Variants in NPHP1 observed in about 807,000 individuals in gnomAD.
NPHP1 encodes nephrocystin 1, also known as nephrocystin-1.
In NPHP1, 70 loss-of-function variants were observed where a neutral mutation model predicts 90.4. That is an observed-to-expected ratio of 0.77 (90% CI 0.64 to 0.95). NPHP1 has a LOEUF of 0.95. Among genes scored for constraint, NPHP1 ranks in the 40% least tolerant of loss-of-function variants. NPHP1 has a pLI of 0.00. For synonymous variants in NPHP1, 256 were observed against 271.7 expected (o/e 0.94, Z 0.57); for missense variants, 764 against 795.9 (o/e 0.96, Z 0.48).
intron 2 of NPHP1, among the ~76,000 whole-genome samples, chr2:110,198,218 A>T (rs1685301039): frequency 6.6e-6 from 1 of 152,150 alleles, no homozygotes; most frequent in African/African-American, 2.4e-5. Context: ...GCCAGGCCGA[A>T]AACTCTAGGA....
At chr2:110,162,256 A>C (rs760962092) in intron 9 of NPHP1, among the ~76,000 whole-genome samples, 1 of 152,156 alleles carries the variant, frequency 6.6e-6, no homozygotes. Context: ...ATTTTCTTAG[A>C]AAATAAGTAG....
intron 2 of NPHP1, among the ~76,000 whole-genome samples, chr2:110,180,448 C>CTTTTTTT (rs3086121): frequency 7.5e-3 from 610 of 80,844 alleles, no homozygotes; most frequent in Middle Eastern, 0.015. Context: ...CCGTTTGAGT[C>CTTTTTTT]TTTTTTTTTT....
intron 16 of NPHP1, among the ~76,000 whole-genome samples, chr2:110,134,621 A>G (rs1052213022): frequency 6.6e-6 from 1 of 152,110 alleles, no homozygotes. Context: ...ACAGCACATT[A>G]AAAAGCTTGT....
At position 110,204,934 on chromosome 2, in the gene NPHP1, G is replaced by T; in HGVS notation, c.35C>A (p.Ala12Asp). 1 of 1,614,050 alleles carries T rather than the reference G, an allele frequency of 6.2e-7. No individual in the cohort carries two copies. Among genetic ancestry groups the T allele is most frequent in the Non-Finnish European group, 8.5e-7 (1 of 1,179,944 alleles). ...LARRQRDPLQ[A>D]LRRRNQELKQ... ...CAGCTCCTGATTGCGGCGCCGCAGG[G>T]CCTGGAGAGGATCTCGCTGTCGTCT... The change falls in exon 1 of 20, where the codon GCC becomes GAC. Residue 12 changes from alanine (A) to aspartate (D), a missense_variant. Coordinates refer to ENST00000445609, the MANE Select transcript of NPHP1 (RefSeq NM_001128178.3).
chr2:110,200,219 C>A (rs968068672), intron 2 of NPHP1, among the ~76,000 whole-genome samples: 4 of 151,534 alleles, frequency 2.6e-5, no homozygotes, highest in Non-Finnish European at 5.9e-5. Context: ...CATGCCACTG[C>A]ACTCCAGCCT....
chr2:110,125,222 G>T (rs1204506574), intron 19 of NPHP1: 3 of 1,535,262 alleles, frequency 2.0e-6, no homozygotes, highest in East Asian at 4.9e-5. Context: ...TAATTACCAT[G>T]ATTTTATAGC....
intron 19 of NPHP1, chr2:110,124,459 G>A (rs1679210735): frequency 1.4e-5 from 4 of 292,236 alleles, no homozygotes; most frequent in Admixed American, 1.3e-4. Flanking sequence ...AGAGGTAACT[G>A]TCATGTTATC....
intron 18 of NPHP1, chr2:110,125,961 G>C (rs1257520657): frequency 2.1e-6 from 1 of 476,548 alleles, no homozygotes; most frequent in Non-Finnish European, 3.8e-6. Flanking sequence ...ACACATCCAT[G>C]AAAACTATAC....
At chr2:110,164,434 G>T in intron 8 of NPHP1, 1 of 757,408 alleles carries the variant, frequency 1.3e-6, no homozygotes, top group South Asian at 1.5e-5. Flanking sequence ...CAGGATCAAT[G>T]AGAATGTTTC....
At chr2:110,171,221 A>G (rs968422677) in intron 4 of NPHP1, among the ~76,000 whole-genome samples, 24 of 152,164 alleles carry the variant, frequency 1.6e-4, no homozygotes, top group African/African-American at 5.3e-4. Context: ...AATCTTTCTG[A>G]ATTTTATTTA....
At chr2:110,124,484 C>A in intron 19 of NPHP1, 1 of 277,610 alleles carries the variant, frequency 3.6e-6, no homozygotes, top group Non-Finnish European at 7.1e-6. Context: ...ATAATTGTAG[C>A]AGGTGTTCTG....
chr2:110,196,391 A>T (rs1003574628), intron 2 of NPHP1, among the ~76,000 whole-genome samples: 1 of 152,172 alleles, frequency 6.6e-6, no homozygotes, highest in Non-Finnish European at 1.5e-5. Flanking sequence ...GCAGCCAAAA[A>T]ACACATGAAA....
Position 110,161,677 on chromosome 2 carries a change from A to C in NPHP1, c.880T>G (p.Tyr294Asp). The change falls in exon 10 of 20, where the codon TAC (tyrosine) becomes GAC (aspartate). Residue 294 changes from tyrosine (Y) to aspartate (D), a missense_variant. Physicochemically the swap from Tyr to Asp is radical, Grantham distance 160 (BLOSUM62 -3). Transcript: ENST00000445609. ...GGCATGAGCTCTGGTTGTAAGAAGT[A>C]ATTTGCTCGAAATTGATTCCCTGAA... Reference protein sequence around the residue: ...LEEGNQFRANYFLQPELMPSQ... With the variant: ...LEEGNQFRANDFLQPELMPSQ... 6.2e-7 allele frequency: 1 copy of C among 1,612,330 alleles called. No individual in the cohort carries two copies. Among genetic ancestry groups the C allele is most frequent in the Non-Finnish European group, 8.5e-7 (1 of 1,178,492 alleles).
At chr2:110,189,937 G>A (rs1559100146) in intron 2 of NPHP1, among the ~76,000 whole-genome samples, 1 of 152,078 alleles carries the variant, frequency 6.6e-6, no homozygotes, top group Non-Finnish European at 1.5e-5. Context: ...GCCGATTGGT[G>A]TGTTTACAAT....
chr2:110,133,321 T>C (rs757281174), intron 16 of NPHP1, among the ~76,000 whole-genome samples: 2 of 152,084 alleles, frequency 1.3e-5, no homozygotes, highest in Non-Finnish European at 2.9e-5. Flanking sequence ...AAGGATATTG[T>C]ACAATCATAA....
rs934687024 is a variant in NPHP1 at position 110,143,702 on chromosome 2, T to C, written c.1430-61A>G. 25 of 1,143,958 alleles carry C rather than the reference T, an allele frequency of 2.2e-5. No individual in the cohort carries two copies. The South Asian group carries it at 2.8e-4, about 13-fold the overall frequency. 70.9% of individuals were successfully genotyped at this position (1,143,958 alleles called of 1,614,324 possible). A position where few individuals can be genotyped will look rare whatever the true frequency, so the allele number is the denominator to read the frequency against. Reference sequence around the variant, plus strand: ...TAAGTACTTGAGACAGTGAGTATAATAAAACAAGTATTTCATGAAAATATA... The same window carrying C: ...TAAGTACTTGAGACAGTGAGTATAACAAAACAAGTATTTCATGAAAATATA... On this transcript the variant is annotated intron_variant, in intron 15 of 19. Coordinates refer to ENST00000445609, the MANE Select transcript of NPHP1 (RefSeq NM_001128178.3).
Position 110,140,805 on chromosome 2 carries a change from A to G in NPHP1, c.1529+2737T>C, listed in dbSNP as rs575935144. ...AGGCTCTATGAACATCCAAGGGGGA[A>G]AAAAGCTAAGAGAGTAAATAATACC... On this transcript the variant is annotated intron_variant, in intron 16 of 19. Coordinates refer to ENST00000445609, the MANE Select transcript of NPHP1 (RefSeq NM_001128178.3). 1.5e-4 allele frequency among the ~76,000 whole-genome samples: 23 copies of G among 152,344 alleles called. 2 individuals are homozygous for G. The South Asian group carries it at 4.8e-3, about 32-fold the overall frequency.
At chr2:110,200,511 C>T (rs964087884) in intron 2 of NPHP1, among the ~76,000 whole-genome samples, 7 of 151,836 alleles carry the variant, frequency 4.6e-5, no homozygotes, top group Admixed American at 2.0e-4. Context: ...TGCAATGAGC[C>T]GAGATTGCGC....
At chr2:110,143,933 A>G (rs879660062) in intron 15 of NPHP1, 16 of 392,340 alleles carry the variant, frequency 4.1e-5, no homozygotes, top group African/African-American at 2.1e-4. Flanking sequence ...CTGTTCCAAG[A>G]AGGCAGGACT....
Sources: allele counts gnomAD v4.1 joint callset (sites outside exome capture counted in the v4.1 genomes callset), GRCh38; gene constraint gnomAD v4.1.1; transcripts MANE v1.5; gene names NCBI Gene and HGNC (gene_info 2026-07-23, HGNC 2026-07-21).